DLEC1: variants seen among roughly 807,000 people sequenced by gnomAD.
The protein encoded by DLEC1 is deleted in lung and esophageal cancer protein 1.
In DLEC1, 146 loss-of-function variants were observed where a neutral mutation model predicts 198.1. That is an observed-to-expected ratio of 0.74 (90% CI 0.64 to 0.85). The LOEUF (loss-of-function observed/expected upper bound fraction) is 0.85, where lower values mean the gene tolerates loss of function less well. DLEC1 is among the 40% of genes least tolerant of loss of function. The pLI is 0.00. For missense variants in DLEC1, 2,233 were observed against 2,220.0 expected, an observed-to-expected ratio of 1.01 and a Z score of -0.12; for synonymous variants, 897 against 866.8, an observed-to-expected ratio of 1.03 and a Z score of -0.61.
chr3:38,100,436 C>CG lies in DLEC1; in HGVS notation c.2864+12dup. On this transcript the variant is annotated intron_variant, in intron 19 of 36. Coordinates refer to ENST00000308059, the MANE Select transcript of DLEC1 (RefSeq NM_007335.4). The stretch of plus-strand genomic sequence containing the variant: ...AAATGGTGCCTGGAGGTAAGGGTGC[C>CG]GTGGGAAGAGCCACTACAACAAACT... 6.2e-7 allele frequency: 1 copy of CG among 1,605,714 alleles called. No homozygotes were observed. Among genetic ancestry groups the CG allele is most frequent in the South Asian group, 1.1e-5 (1 of 89,956 alleles).
intron 10 of DLEC1, among the ~76,000 whole-genome samples, chr3:38,092,281 C>CA (rs1423236764): frequency 6.6e-6 from 1 of 152,158 alleles, no homozygotes; most frequent in African/African-American, 2.4e-5. Flanking sequence ...TATGTGAAGC[C>CA]AAGCACAGAA....
Position 38,108,534 on chromosome 3 carries a change from G to A in DLEC1, c.3129+19G>A, listed in dbSNP as rs768015591. The A allele has an allele frequency of 1.7e-5, 27 of 1,604,724 alleles. No individual in the cohort carries two copies. The highest frequency in any genetic ancestry group is 2.1e-5 in the Non-Finnish European group (25 of 1,172,646). On this transcript the variant is annotated intron_variant, in intron 21 of 36. Transcript: ENST00000308059. Reference sequence around the variant, plus strand: ...TACCCAGGTGAGTAAGGCAATGTAGGGCCTGAGTGACCGGGAAGGCACCCT... The same window carrying A: ...TACCCAGGTGAGTAAGGCAATGTAGAGCCTGAGTGACCGGGAAGGCACCCT...
intron 1 of DLEC1, among the ~76,000 whole-genome samples, chr3:38,045,166 G>A (rs1700825733): frequency 1.3e-5 from 2 of 152,210 alleles, no homozygotes; most frequent in Non-Finnish European, 2.9e-5. Context: ...AGACTGTGAA[G>A]GGGCTGTCTG....
chr3:38,039,299 C>T lies in DLEC1; in HGVS notation c.74C>T (p.Ala25Val), dbSNP rs374580194. The T allele has an allele frequency of 1.8e-4, 283 of 1,614,026 alleles. No homozygotes were observed. The highest frequency in any genetic ancestry group is 2.8e-4 in the Admixed American group (17 of 60,006). The change falls in exon 1 of 37, where the codon GCG (alanine) becomes GTG (valine). Residue 25 changes from alanine to valine, a missense_variant. Coordinates refer to ENST00000308059, the MANE Select transcript of DLEC1 (RefSeq NM_007335.4). ...RTNECQGTMW[A>V]PTSPPAGSSS... is the part of the protein sequence containing the mutation. ...AACGAGTGCCAGGGGACAATGTGGG[C>T]GCCAACTTCGCCACCAGCCGGGTCC...
At chr3:38,082,904 T>C (rs28839547) in intron 6 of DLEC1, among the ~76,000 whole-genome samples, 64,313 of 152,016 alleles carry the variant, frequency 0.42, 14,237 homozygotes, top group East Asian at 0.58. Context: ...GATTAAACAC[T>C]ACGGGAAGGC....
intron 13 of DLEC1, 111 bp from the exon 14 acceptor site, chr3:38,095,777 C>T (rs918640889): frequency 1.4e-6 from 2 of 1,409,168 alleles, no homozygotes; most frequent in African/African-American, 1.4e-5. Context: ...TCAGAAGGTC[C>T]TTCTGATGGC....
At chr3:38,096,300 G>T (rs545778536) in intron 14 of DLEC1, among the ~76,000 whole-genome samples, 1 of 152,270 alleles carries the variant, frequency 6.6e-6, no homozygotes, top group South Asian at 2.1e-4. Context: ...GCAGCCCAGT[G>T]CAGAGATCCC....
Position 38,122,988 on chromosome 3 carries a change from C to T in DLEC1, c.*576C>T. The T allele has an allele frequency of 1.3e-6, 2 of 1,572,898 alleles. No homozygotes were observed. The highest frequency in any genetic ancestry group is 1.1e-5 in the South Asian group (1 of 90,230). ...ATGTGGTTTTGCTTTTGTGGTGTTA[C>T]TGCCTTGCTGCTAGAGCAGCAGGAC... On this transcript the variant is annotated 3_prime_UTR_variant, in exon 37 of 37. Coordinates refer to ENST00000308059, the MANE Select transcript of DLEC1 (RefSeq NM_007335.4).
chr3:38,048,600 A>C (rs559663785), intron 2 of DLEC1, among the ~76,000 whole-genome samples: 6 of 152,218 alleles, frequency 3.9e-5, no homozygotes, highest in Non-Finnish European at 7.3e-5. Context: ...TGATCAAACG[A>C]CTTCCCTGAA....
chr3:38,109,263 C>A (rs1036983747), intron 21 of DLEC1, among the ~76,000 whole-genome samples, 169 bp from the exon 22 acceptor site: 12 of 152,214 alleles, frequency 7.9e-5, no homozygotes, highest in Non-Finnish European at 1.5e-4. Context: ...AAGGGCCAGG[C>A]TTCCTGGGGC....
intron 6 of DLEC1, among the ~76,000 whole-genome samples, chr3:38,071,806 C>T (rs1697333114): frequency 6.6e-6 from 1 of 152,156 alleles, no homozygotes; most frequent in Non-Finnish European, 1.5e-5. Context: ...CCTCTTTCAG[C>T]CTATATGACC....
chr3:38,084,401 A>AGTAGTAGTGGTAGTAGTAGTAGTGGTG (rs1698263155), intron 7 of DLEC1, among the ~76,000 whole-genome samples, 156 bp downstream of exon 7: 1 of 6,990 alleles, frequency 1.4e-4, no homozygotes, highest in African/African-American at 5.8e-4. Flanking sequence ...TAGTAGTAGT[A>AGTAGTAGTGGTAGTAGTAGTAGTGGTG]GTGGTGGTGG....
At chr3:38,108,605 C>A in intron 21 of DLEC1, 90 bp downstream of exon 21, 1 of 1,013,990 alleles carries the variant, frequency 9.9e-7, no homozygotes, top group Non-Finnish European at 1.5e-6. Flanking sequence ...TAGCTTAGGC[C>A]ACATTGCTGG....
At position 38,118,174 on chromosome 3, in the gene DLEC1, A is replaced by G. The variant is rs965674742; in HGVS notation, c.4704+150A>G. ...ACCCTGCATGAACACTCGGGGGTGC[A>G]CTCCCACCAGAGACACCACATTCAG... On this transcript the variant is annotated intron_variant, in intron 33 of 36. Coordinates refer to ENST00000308059, the MANE Select transcript of DLEC1 (RefSeq NM_007335.4). 10 of 858,996 alleles carry G rather than the reference A, an allele frequency of 1.2e-5. No homozygotes were observed. In the South Asian group the frequency reaches 1.4e-4, roughly 12 times the overall value. The allele number at this position is 858,996 out of a possible 1,614,324, so 53.2% of individuals were successfully genotyped here. A position where few individuals can be genotyped will look rare whatever the true frequency, so the allele number is the denominator to read the frequency against.
At chr3:38,109,711 C>T in intron 22 of DLEC1, 149 bp downstream of exon 22, 1 of 1,332,646 alleles carries the variant, frequency 7.5e-7, no homozygotes, top group Non-Finnish European at 1.0e-6. Context: ...GGCCACTCAC[C>T]ACTCCTGTGG....
At chr3:38,121,949 G>A in intron 35 of DLEC1, 122 bp from the exon 36 acceptor site, 1 of 1,522,682 alleles carries the variant, frequency 6.6e-7, no homozygotes, top group South Asian at 1.3e-5. Context: ...ATGATCTCAG[G>A]GTTGCCCTGC....
Position 38,122,451 on chromosome 3 carries a change from GA to G in DLEC1, c.*45del, listed in dbSNP as rs758558914. 6.2e-7 allele frequency: 1 copy of G among 1,613,984 alleles called. No individual in the cohort carries two copies. The highest frequency in any genetic ancestry group is 8.5e-7 in the Non-Finnish European group (1 of 1,180,008). ...CCCTCAGCCCCAGGCCCCAGCTGGA[GA>G]AAAAACATTGCCCAGGGATTAGGAG... On this transcript the variant is annotated 3_prime_UTR_variant, in exon 37 of 37. Coordinates refer to ENST00000308059, the MANE Select transcript of DLEC1 (RefSeq NM_007335.4).
chr3:38,053,438 C>T (rs191798930), intron 2 of DLEC1, among the ~76,000 whole-genome samples: 7,499 of 150,874 alleles, frequency 0.05, 261 homozygotes, highest in Non-Finnish European at 0.074. Context: ...TCTGCCCGGC[C>T]GCGACCCCGT....
chr3:38,053,272 C>A (rs1435035168), intron 2 of DLEC1, among the ~76,000 whole-genome samples: 5 of 150,428 alleles, frequency 3.3e-5, no homozygotes, highest in Admixed American at 1.3e-4. Context: ...TGTGAGGAGC[C>A]CCTCTGCCCG....
Sources: allele counts gnomAD v4.1 joint callset (sites outside exome capture counted in the v4.1 genomes callset), GRCh38; gene constraint gnomAD v4.1.1; transcripts MANE v1.5; gene names NCBI Gene and HGNC (gene_info 2026-07-23, HGNC 2026-07-21).